EPHA6: variants seen among roughly 807,000 people sequenced by gnomAD.
The protein encoded by EPHA6 is ephrin type-A receptor 6.
In EPHA6, 50 loss-of-function variants were observed where a neutral mutation model predicts 112.0. That is an observed-to-expected ratio of 0.45 (90% CI 0.36 to 0.56). The LOEUF is 0.56. Among genes scored for constraint, EPHA6 ranks in the 20% least tolerant of loss-of-function variants. The pLI, the probability that EPHA6 is intolerant of heterozygous loss-of-function variation, is 0.00. For missense variants in EPHA6, 1,280 were observed against 1,417.4 expected, an observed-to-expected ratio of 0.90 and a Z score of 1.56; for synonymous variants, 529 against 490.7, an observed-to-expected ratio of 1.08 and a Z score of -1.03.
rs139220984 is a variant in EPHA6 at position 97,272,711 on chromosome 3, C to T, written c.1606+28424C>T. On this transcript the variant is annotated intron_variant, in intron 5 of 17. Coordinates refer to ENST00000389672, the MANE Select transcript of EPHA6 (RefSeq NM_001080448.3). ...GCTTTTGAGCCAGGAAAAGGAATTTCGCAAGGTAATGTCATCAGTTAAGGC... is the reference window on the plus strand; with the variant it reads ...GCTTTTGAGCCAGGAAAAGGAATTTTGCAAGGTAATGTCATCAGTTAAGGC... Among the ~76,000 whole-genome samples the T allele has an allele frequency of 2.5e-3, 381 of 152,074 alleles. 3 individuals carry two copies. The highest frequency in any genetic ancestry group is 7.9e-3 in the African/African-American group (328 of 41,478).
intron 14 of EPHA6, among the ~76,000 whole-genome samples, chr3:97,657,503 G>C (rs1470021806): frequency 6.6e-6 from 1 of 151,792 alleles, no homozygotes; most frequent in Non-Finnish European, 1.5e-5. Flanking sequence ...AGAGTAAACA[G>C]TAGGTTATAA....
chr3:97,407,347 A>AACACACACAC (rs34259097), intron 6 of EPHA6, among the ~76,000 whole-genome samples: 2,226 of 147,356 alleles, frequency 0.015, 75 homozygotes, highest in African/African-American at 0.053. Flanking sequence ...ACTGAAATTA[A>AACACACACAC]ACACACACAC....
intron 14 of EPHA6, among the ~76,000 whole-genome samples, chr3:97,657,685 T>G (rs2094145185): frequency 6.6e-6 from 1 of 151,802 alleles, no homozygotes; most frequent in Admixed American, 6.6e-5. Context: ...ATAAGCTAAA[T>G]TATAGATCCT....
intron 2 of EPHA6, among the ~76,000 whole-genome samples, chr3:96,966,451 G>A (rs1316149323): frequency 6.6e-6 from 1 of 152,000 alleles, no homozygotes; most frequent in Non-Finnish European, 1.5e-5. Context: ...ACTCAGATAG[G>A]AATTTACTGT....
rs182285639 is a variant in EPHA6, at chr3:97,577,791, G to T, written c.2387-14821G>T. 6.8e-4 allele frequency among the ~76,000 whole-genome samples: 104 copies of T among 152,084 alleles called. 1 individual carries two copies. The highest frequency in any genetic ancestry group is 1.4e-3 in the Admixed American group (22 of 15,268). The stretch of plus-strand genomic sequence containing the variant: ...TATCACTCTTAATCTTATCTTTTCC[G>T]GTTTTTTGTTTTTGTTTTTGTTTTT... On this transcript the variant is annotated intron_variant, in intron 11 of 17. Transcript: ENST00000389672.
At chr3:97,369,030 G>A (rs980149267) in intron 5 of EPHA6, among the ~76,000 whole-genome samples, 2 of 152,122 alleles carry the variant, frequency 1.3e-5, no homozygotes, top group Non-Finnish European at 2.9e-5. Flanking sequence ...CCGGCCATAT[G>A]AACAGCATTC....
chr3:96,976,231 T>C (rs971323854), intron 2 of EPHA6, among the ~76,000 whole-genome samples: 1 of 152,142 alleles, frequency 6.6e-6, no homozygotes. Context: ...TATAAATTAA[T>C]TTCTATTCAC....
chr3:97,322,100 C>T (rs1227307519), intron 5 of EPHA6, among the ~76,000 whole-genome samples: 1 of 151,980 alleles, frequency 6.6e-6, no homozygotes, highest in Non-Finnish European at 1.5e-5. Context: ...ACTGGTTTTC[C>T]TTTCTAAAGA....
intron 2 of EPHA6, among the ~76,000 whole-genome samples, chr3:96,922,034 TAGAG>T (rs112126178): frequency 6.7e-5 from 10 of 149,842 alleles, no homozygotes; most frequent in South Asian, 2.1e-4. Context: ...CCTTAATGTC[TAGAG>T]AGAGAGAGAG....
intron 4 of EPHA6, among the ~76,000 whole-genome samples, chr3:97,238,216 AC>A (rs1381433002): frequency 5.3e-5 from 8 of 151,922 alleles, no homozygotes; most frequent in African/African-American, 1.9e-4. Context: ...AGATGGTGGC[AC>A]CTTATTCTCT....
At chr3:97,020,210 A>G (rs2107976654) in intron 3 of EPHA6, among the ~76,000 whole-genome samples, 1 of 152,334 alleles carries the variant, frequency 6.6e-6, no homozygotes. Context: ...CAAGATCCAC[A>G]GACTGAAGCA....
chr3:96,979,743 C>G (rs1467377801), intron 2 of EPHA6, among the ~76,000 whole-genome samples: 1 of 152,192 alleles, frequency 6.6e-6, no homozygotes, highest in African/African-American at 2.4e-5. Context: ...GATTGCCATT[C>G]TAACTGGTGT....
chr3:97,507,665 G>T (rs1053924152), intron 10 of EPHA6, among the ~76,000 whole-genome samples: 2 of 152,132 alleles, frequency 1.3e-5, no homozygotes, highest in Non-Finnish European at 2.9e-5. Flanking sequence ...TCAGGATGAT[G>T]CTGGCCTCTT....
intron 2 of EPHA6, among the ~76,000 whole-genome samples, chr3:96,881,534 T>TA (rs1408016371): frequency 1.3e-5 from 2 of 152,202 alleles, no homozygotes; most frequent in Non-Finnish European, 2.9e-5. Context: ...AGGTGGGAAT[T>TA]ATGTGAGTAC....
intron 5 of EPHA6, among the ~76,000 whole-genome samples, chr3:97,382,213 C>A (rs1479669446): frequency 6.6e-6 from 1 of 151,940 alleles, no homozygotes; most frequent in Non-Finnish European, 1.5e-5. Context: ...TGCCAAGAAA[C>A]ATAGCTTTTA....
intron 3 of EPHA6, among the ~76,000 whole-genome samples, chr3:97,122,798 G>C (rs1483287476): frequency 6.6e-6 from 1 of 151,826 alleles, no homozygotes; most frequent in Non-Finnish European, 1.5e-5. Flanking sequence ...CTAATTATAT[G>C]ATTAAAATAT....
At chr3:97,029,013 C>A (rs2108008909) in intron 3 of EPHA6, among the ~76,000 whole-genome samples, 1 of 151,344 alleles carries the variant, frequency 6.6e-6, no homozygotes, top group Non-Finnish European at 1.5e-5. Context: ...ATTGGAATTT[C>A]ATAAAATAAA....
intron 11 of EPHA6, among the ~76,000 whole-genome samples, chr3:97,564,617 TG>T (rs1337977677): frequency 6.6e-6 from 1 of 152,094 alleles, no homozygotes; most frequent in Non-Finnish European, 1.5e-5. Context: ...TGACAGATCA[TG>T]ACACAAATTG....
chr3:97,199,610 G>A (rs565672474), intron 3 of EPHA6, among the ~76,000 whole-genome samples: 71 of 152,186 alleles, frequency 4.7e-4, no homozygotes, highest in African/African-American at 1.7e-3. Flanking sequence ...TCCTGGCTTC[G>A]CCAACTTGAG....
Sources: gnomAD v4.1 joint callset for allele counts (sites outside exome capture counted in the v4.1 genomes callset) on GRCh38, gnomAD v4.1.1 for gene constraint, MANE v1.5 for transcripts, NCBI Gene and HGNC (gene_info 2026-07-23, HGNC 2026-07-21) for gene names.